AATK: variants seen among roughly 807,000 people sequenced by gnomAD.
AATK encodes serine/threonine-protein kinase LMTK1.
In AATK, 91 loss-of-function variants were observed where a neutral mutation model predicts 114.3. That is an observed-to-expected ratio of 0.80 (90% CI 0.67 to 0.95). The LOEUF (loss-of-function observed/expected upper bound fraction) is 0.95. AATK is among the 40% of genes least tolerant of loss of function. AATK has a pLI of 0.00. For missense variants in AATK, 2,176 were observed against 1,965.2 expected (o/e 1.11, Z -2.03); for synonymous variants, 1,075 against 916.5 (o/e 1.17, Z -3.12).
Position 81,125,029 on chromosome 17 carries a change from A to G in AATK, c.756-15T>C. On this transcript the variant is annotated splice_polypyrimidine_tract_variant and intron_variant, in intron 7 of 13. Coordinates refer to ENST00000326724, the MANE Select transcript of AATK (RefSeq NM_001080395.3). ...GGGCCAGGTCGCTGCAGGCAGGGGC[A>G]GGGGCAGGGGCAGGGTGAGCAGGGT... The G allele has an allele frequency of 8.0e-7, 1 of 1,256,036 alleles. No individual in the cohort carries two copies. Among genetic ancestry groups the G allele is most frequent in the Non-Finnish European group, 1.0e-6 (1 of 957,388 alleles). The allele number at this position is 1,256,036 out of a possible 1,614,324, so 77.8% of individuals were successfully genotyped here.
At chr17:81,134,566 C>G in intron 1 of AATK, 65 bp from the exon 2 acceptor site, 1 of 1,556,810 alleles carries the variant, frequency 6.4e-7, no homozygotes, top group Non-Finnish European at 8.7e-7. Context: ...TGCCCCTGCT[C>G]TGGGCTCCAC....
chr17:81,137,091 C>G (rs578018722), intron 1 of AATK, among the ~76,000 whole-genome samples: 3 of 152,168 alleles, frequency 2.0e-5, no homozygotes, highest in African/African-American at 7.2e-5. Context: ...AACCCCATCT[C>G]TACTAAAAAT....
chr17:81,128,974 G>A lies in AATK; in HGVS notation c.335-425C>T, dbSNP rs373809788. ...CGCAGGCTGGCATCCCACGCCGGGC[G>A]CACCAAAGGCTCCTTTGTTGGGGGC... On this transcript the variant is annotated intron_variant, in intron 3 of 13. Coordinates refer to ENST00000326724, the MANE Select transcript of AATK (RefSeq NM_001080395.3). 6.2e-5 allele frequency: 62 copies of A among 1,006,804 alleles called. No homozygotes were observed. In the East Asian group the frequency reaches 2.9e-3, roughly 47 times the overall value. 62.4% of individuals were successfully genotyped at this position (1,006,804 alleles called of 1,614,324 possible). A position where few individuals can be genotyped will look rare whatever the true frequency, so the allele number is the denominator to read the frequency against.
In AATK at chr17:81,131,209, C is replaced by A. The variant is rs748411440; in HGVS notation, c.190-4G>T. On this transcript the variant is annotated splice_region_variant and splice_polypyrimidine_tract_variant and intron_variant, in intron 2 of 13. Coordinates refer to ENST00000326724, the MANE Select transcript of AATK (RefSeq NM_001080395.3). ...CCCCCTCCGCATTCTCAAACTCCTG[C>A]GGGCCGGGCCGGGCATGAGCGGGGC... 2 of 1,566,430 alleles carry A rather than the reference C, an allele frequency of 1.3e-6. No homozygotes were observed. The highest frequency in any genetic ancestry group is 1.7e-6 in the Non-Finnish European group (2 of 1,160,142).
intron 9 of AATK, 56 bp from the exon 10 acceptor site, chr17:81,123,399 G>C (rs984862959): frequency 1.5e-6 from 2 of 1,305,756 alleles, no homozygotes; most frequent in South Asian, 2.2e-5. Context: ...AGCAAGGACC[G>C]CGCAGGATCC....
At chr17:81,124,407 C>G (rs939340605) in intron 9 of AATK, among the ~76,000 whole-genome samples, 6 of 152,214 alleles carry the variant, frequency 3.9e-5, no homozygotes, top group African/African-American at 7.2e-5. Flanking sequence ...CAGCCAACAC[C>G]CCACCCAGAC....
At chr17:81,138,286 CCCACACATGTGCACACATAT>C (rs1490439584) in intron 1 of AATK, among the ~76,000 whole-genome samples, 5 of 145,370 alleles carry the variant, frequency 3.4e-5, no homozygotes, top group Non-Finnish European at 7.7e-5. Context: ...TGCACACCCA[CCCACACATGTGCACACATAT>C]CCACACACGT....
At chr17:81,160,494 A>G (rs1264873987) in intron 1 of AATK, among the ~76,000 whole-genome samples, 1 of 152,132 alleles carries the variant, frequency 6.6e-6, no homozygotes, top group Non-Finnish European at 1.5e-5. Flanking sequence ...GGGGGCGGGG[A>G]GGCCAAGGCC....
In AATK at chr17:81,120,986, T is replaced by C; in HGVS notation, c.2950A>G (p.Ser984Gly). ...TAGGGATTCTTCTCGTTGAGGCCAC[T>C]GAGGGAGGTGGAGAGCCGTGTCTCG... Reference protein sequence around the residue: ...GPETRLSTSLSGLNEKNPYRD... With the variant: ...GPETRLSTSLGGLNEKNPYRD... Residue 984 changes from serine (S) to glycine (G), a missense_variant, in exon 11 of 14, where the codon AGT becomes GGT. Coordinates refer to ENST00000326724, the MANE Select transcript of AATK (RefSeq NM_001080395.3). The C allele has an allele frequency of 1.2e-6, 2 of 1,610,602 alleles. No individual in the cohort carries two copies. Among genetic ancestry groups the C allele is most frequent in the Non-Finnish European group, 1.7e-6 (2 of 1,179,130 alleles).
intron 1 of AATK, among the ~76,000 whole-genome samples, chr17:81,138,578 A>G (rs1054031397): frequency 4.0e-5 from 6 of 149,452 alleles, no homozygotes; most frequent in African/African-American, 1.5e-4. Flanking sequence ...CCACACGCAC[A>G]TACCCACACA....
At chr17:81,119,705 G>A in intron 12 of AATK, 125 bp from the exon 13 acceptor site, 1 of 786,912 alleles carries the variant, frequency 1.3e-6, no homozygotes, top group Non-Finnish European at 1.7e-6. Flanking sequence ...CGCCTCCCAT[G>A]ATGTCACGGG....
chr17:81,149,764 G>A (rs1164326032), intron 1 of AATK, among the ~76,000 whole-genome samples: 6 of 152,052 alleles, frequency 3.9e-5, no homozygotes, highest in African/African-American at 7.2e-5. Flanking sequence ...GGGTTTCTTC[G>A]GAGGCAGGGC....
rs1458532231 is a variant in AATK at position 81,131,195 on chromosome 17, T to G, written c.200A>C (p.Asn67Thr). Reference sequence around the variant, plus strand: ...GGCTGCGTACTCGTCCCCCTCCGCATTCTCAAACTCCTGCGGGCCGGGCCG... The same window carrying G: ...GGCTGCGTACTCGTCCCCCTCCGCAGTCTCAAACTCCTGCGGGCCGGGCCG... Reference protein sequence around the residue: ...KGGIGFKEFENAEGDEYAADL... With the variant: ...KGGIGFKEFETAEGDEYAADL... The change falls in exon 3 of 14, where the codon AAT becomes ACT. Residue 67 changes from asparagine to threonine, a missense_variant. By Grantham distance (65) the Asn-to-Thr change is moderately conservative. Around this residue, in one of 4 missense-constraint regions of AATK, gnomAD observed 178 missense variants for 175.4 expected, o/e 1.01. Coordinates refer to ENST00000326724, the MANE Select transcript of AATK (RefSeq NM_001080395.3). The G allele has an allele frequency of 6.3e-7, 1 of 1,580,330 alleles. No homozygotes were observed. The highest frequency in any genetic ancestry group is 8.6e-7 in the Non-Finnish European group (1 of 1,166,082).
Position 81,120,273 on chromosome 17 carries a change from G to A in AATK, c.3663C>T (p.Phe1221=). 1.2e-6 allele frequency: 2 copies of A among 1,603,906 alleles called. No homozygotes were observed. The highest frequency in any genetic ancestry group is 1.7e-6 in the Non-Finnish European group (2 of 1,173,658). ...TCTTCTTGCGTTCCAGGTCCTCGCA[G>A]AAGGTCTCGGACAGCAGGCTGGGCA... ...LKMPSLLSET[F]CEDLERKKKA... Residue 1221 remains phenylalanine, a synonymous_variant, in exon 11 of 14, where the codon TTC becomes TTT. Coordinates refer to ENST00000326724, the MANE Select transcript of AATK (RefSeq NM_001080395.3).
rs1311294431 is a variant in AATK, at chr17:81,122,215, A to G, written c.1721T>C (p.Met574Thr). The G allele has an allele frequency of 6.7e-7, 1 of 1,496,748 alleles. No individual in the cohort carries two copies. The highest frequency in any genetic ancestry group is 1.3e-5 in the South Asian group (1 of 79,872). The allele number at this position is 1,496,748 out of a possible 1,614,324, so 92.7% of individuals were successfully genotyped here. The change falls in exon 11 of 14, where the codon ATG (methionine) becomes ACG (threonine). Residue 574 changes from methionine to threonine, a missense_variant. Met to Thr is a moderately conservative substitution (Grantham distance 81). This residue lies in a region of AATK where 1,701 missense variants were observed against 1,394.7 expected (regional missense o/e 1.22). Coordinates refer to ENST00000326724, the MANE Select transcript of AATK (RefSeq NM_001080395.3). ...TGGCCCGTGGCCCAGCAGCGGCTCC[A>G]TGGCCAGCGAGGCGGCGGTGCTGCC... Reference protein sequence around the residue: ...SDGSTAASLAMEPLLGHGPPV... With the variant: ...SDGSTAASLATEPLLGHGPPV...
rs375981709 is a variant in AATK, at chr17:81,156,083, A to G, written c.55+9855T>C. Among the ~76,000 whole-genome samples, 37 of 139,846 alleles carry G rather than the reference A, an allele frequency of 2.6e-4. No individual in the cohort carries two copies. In the East Asian group the frequency reaches 4.2e-3, roughly 16 times the overall value. The allele number at this position is 139,846 out of a possible 152,430, so 91.7% of individuals were successfully genotyped here. On this transcript the variant is annotated intron_variant, in intron 1 of 13. Transcript: ENST00000326724. ...GTTATAATGTATGTTACTATGTTAC[A>G]ATGTATGTTACAATGTATGTTACAA...
At chr17:81,165,467 A>C in intron 1 of AATK, 1 of 400,270 alleles carries the variant, frequency 2.5e-6, no homozygotes, top group Non-Finnish European at 4.6e-6. Context: ...TGCTCCCCCC[A>C]CATCCCCCGC....
intron 1 of AATK, among the ~76,000 whole-genome samples, chr17:81,143,977 G>T (rs1012835078): frequency 1.3e-5 from 2 of 152,208 alleles, no homozygotes; most frequent in African/African-American, 4.8e-5. Flanking sequence ...GCCCAGGGTT[G>T]CCCCTGCATG....
intron 10 of AATK, 56 bp from the exon 11 acceptor site, chr17:81,122,879 C>A: frequency 7.2e-7 from 1 of 1,380,582 alleles, no homozygotes; most frequent in South Asian, 1.6e-5. Context: ...AGGAACGCGT[C>A]CCTGGAGCAG....
Sources: allele counts gnomAD v4.1 joint callset (sites outside exome capture counted in the v4.1 genomes callset), GRCh38; gene constraint gnomAD v4.1.1; regional missense constraint gnomAD v4.1.1; transcripts MANE v1.5; gene names NCBI Gene and HGNC (gene_info 2026-07-23, HGNC 2026-07-21).